XKR6: variants seen among roughly 807,000 people sequenced by gnomAD.
XKR6 encodes the protein XK related 6, also known as XK-related protein 6.
A neutral mutation model predicts 56.7 loss-of-function variants in XKR6; 22 were observed. The ratio of observed to expected loss-of-function variants is 0.39; its 90% CI spans 0.28 to 0.55. The LOEUF (loss-of-function observed/expected upper bound fraction) is 0.55. XKR6 is among the 20% of genes least tolerant of loss of function. The pLI is 0.66. For synonymous variants in XKR6, 524 were observed against 387.8 expected, an observed-to-expected ratio of 1.35 and a Z score of -4.13; for missense variants, 852 against 889.0, an observed-to-expected ratio of 0.96 and a Z score of 0.53.
At chr8:11,137,261 A>T (rs747761146) in intron 1 of XKR6, 2 of 243,130 alleles carry the variant, frequency 8.2e-6, no homozygotes, top group Admixed American at 1.1e-4. Flanking sequence ...GAATTCCAGA[A>T]ATGTCTACTA....
At chr8:10,999,077 GT>G (rs1308048423) in intron 1 of XKR6, among the ~76,000 whole-genome samples, 1 of 152,142 alleles carries the variant, frequency 6.6e-6, no homozygotes, top group African/African-American at 2.4e-5. Context: ...TTACAAAAAC[GT>G]TTGTTTTCTT....
Position 11,200,599 on chromosome 8 carries a change from C to G in XKR6, c.741G>C (p.Leu247=). The G allele has an allele frequency of 6.5e-7, 1 of 1,531,202 alleles. No individual in the cohort carries two copies. The highest frequency in any genetic ancestry group is 1.3e-5 in the South Asian group (1 of 78,544). 94.9% of individuals were successfully genotyped at this position (1,531,202 alleles called of 1,614,324 possible). The change falls in exon 1 of 3, where the codon CTG becomes CTC. Residue 247 remains leucine (L), a synonymous_variant. Transcript: ENST00000416569. This position sits in a 1 kb window ranked among gnomAD's most constrained non-coding sequence, Gnocchi z 6.4. ...ACCTCCACACCTGCCCCATCTGCAG[C>G]AGGTGGATGACCGACTGCCAGATCC... ...SVWIWQSVIH[L]LQMGQVWRYI...
At chr8:10,976,490 C>G (rs1044564802) in intron 1 of XKR6, among the ~76,000 whole-genome samples, 1 of 152,086 alleles carries the variant, frequency 6.6e-6, no homozygotes, top group African/African-American at 2.4e-5. Flanking sequence ...GGTGCCTGTC[C>G]CTCTGCGCCC....
At chr8:11,141,787 T>A (rs1800712103) in intron 1 of XKR6, among the ~76,000 whole-genome samples, 1 of 152,062 alleles carries the variant, frequency 6.6e-6, no homozygotes, top group African/African-American at 2.4e-5. Context: ...GGATGACAAC[T>A]GAGAGGGAAA....
Position 11,017,040 on chromosome 8 carries a change from A to G in XKR6, c.765-92210T>C, listed in dbSNP as rs369635771. On this transcript the variant is annotated intron_variant, in intron 1 of 2. Transcript: ENST00000416569. ...GGTAGAGATTTGCATACATATGGAT[A>G]GATACATATGGATAGATCATAGACA... Among the ~76,000 whole-genome samples, 6 of 152,268 alleles carry G rather than the reference A, an allele frequency of 3.9e-5. No individual in the cohort carries two copies. The East Asian group carries it at 5.8e-4, about 15-fold the overall frequency.
chr8:11,055,003 C>T (rs986867904), intron 1 of XKR6, among the ~76,000 whole-genome samples: 1 of 152,228 alleles, frequency 6.6e-6, no homozygotes, highest in East Asian at 1.9e-4. Flanking sequence ...CCAGAGGGGG[C>T]TGTAGACAAG....
At chr8:11,043,164 A>G (rs925280511) in intron 1 of XKR6, among the ~76,000 whole-genome samples, 6 of 152,178 alleles carry the variant, frequency 3.9e-5, no homozygotes, top group South Asian at 2.1e-4. Context: ...AATATAAAAT[A>G]TTAACTTAAT....
At chr8:11,122,944 G>C (rs1799525697) in intron 1 of XKR6, among the ~76,000 whole-genome samples, 1 of 152,142 alleles carries the variant, frequency 6.6e-6, no homozygotes, top group African/African-American at 2.4e-5. Flanking sequence ...TGATTAAAAA[G>C]CCCATGCCTC....
intron 1 of XKR6, among the ~76,000 whole-genome samples, chr8:10,969,579 G>C (rs943304483): frequency 1.3e-5 from 2 of 152,222 alleles, no homozygotes; most frequent in African/African-American, 4.8e-5. Context: ...TGCGGAGTAA[G>C]CCCAAAGGAA....
chr8:11,162,780 C>T (rs1184200186), intron 1 of XKR6, among the ~76,000 whole-genome samples: 1 of 152,186 alleles, frequency 6.6e-6, no homozygotes, highest in Admixed American at 6.5e-5. Flanking sequence ...CACTTGGGAG[C>T]CAGAAAAAGA....
intron 1 of XKR6, among the ~76,000 whole-genome samples, chr8:11,041,901 AACAC>A (rs1799295961): frequency 6.6e-6 from 1 of 152,224 alleles, no homozygotes; most frequent in Non-Finnish European, 1.5e-5. Flanking sequence ...ATATAAACAC[AACAC>A]ACACAAATGC....
chr8:10,967,272 T>C (rs1310684874), intron 1 of XKR6, among the ~76,000 whole-genome samples: 5 of 152,194 alleles, frequency 3.3e-5, no homozygotes, highest in Admixed American at 6.5e-5. Context: ...ATCCCTCCTA[T>C]GGCAACTGTG....
intron 1 of XKR6, among the ~76,000 whole-genome samples, chr8:10,972,254 AC>A (rs1330854203): frequency 1.3e-5 from 2 of 152,230 alleles, no homozygotes; most frequent in African/African-American, 4.8e-5. Context: ...TAGGAAAAAA[AC>A]AACATGAAAT....
At chr8:10,997,244 A>G (rs1798134729) in intron 1 of XKR6, among the ~76,000 whole-genome samples, 1 of 152,172 alleles carries the variant, frequency 6.6e-6, no homozygotes, top group Admixed American at 6.5e-5. Context: ...CAGCCCAACA[A>G]CACACCTTAT....
intron 1 of XKR6, among the ~76,000 whole-genome samples, chr8:11,091,436 C>CAAATAAATAAATACAT (rs1554455358): frequency 7.0e-6 from 1 of 143,000 alleles, no homozygotes; most frequent in African/African-American, 2.7e-5. Flanking sequence ...GACCCTGACT[C>CAAATAAATAAATACAT]AAATAAATAA....
chr8:10,900,976 A>G (rs574964452), intron 2 of XKR6, among the ~76,000 whole-genome samples: 12 of 149,072 alleles, frequency 8.0e-5, no homozygotes, highest in Admixed American at 2.0e-4. Context: ...CGTCTCCCAT[A>G]CATGGGACCG....
At chr8:10,949,986 G>C (rs957846695) in intron 1 of XKR6, among the ~76,000 whole-genome samples, 1 of 152,160 alleles carries the variant, frequency 6.6e-6, no homozygotes, top group African/African-American at 2.4e-5. Context: ...GCATGAAAAA[G>C]AACCCACAGG....
At chr8:11,100,603 C>T (rs2129175825) in intron 1 of XKR6, among the ~76,000 whole-genome samples, 1 of 152,316 alleles carries the variant, frequency 6.6e-6, no homozygotes, top group East Asian at 1.9e-4. Context: ...GGTGCTTTCC[C>T]CTACAACTAA....
intron 1 of XKR6, among the ~76,000 whole-genome samples, chr8:11,167,065 T>C (rs922811461): frequency 1.3e-5 from 2 of 152,076 alleles, no homozygotes; most frequent in Non-Finnish European, 2.9e-5. Flanking sequence ...TTAAATGGAC[T>C]ACTGCAAGAG....
Sources: allele counts gnomAD v4.1 joint callset (sites outside exome capture counted in the v4.1 genomes callset), GRCh38; gene constraint gnomAD v4.1.1; non-coding constraint Gnocchi (gnomAD v3.1); transcripts MANE v1.5; gene names NCBI Gene and HGNC (gene_info 2026-07-23, HGNC 2026-07-21).